CCSER1: variants seen among roughly 807,000 people sequenced by gnomAD.
The protein encoded by CCSER1 is serine-rich coiled-coil domain-containing protein 1.
CCSER1 carries 41 observed loss-of-function variants against 82.0 expected under a neutral mutation model. That is an observed-to-expected ratio of 0.50 (90% CI 0.39 to 0.65). CCSER1 has a LOEUF of 0.65. Ranked by LOEUF, CCSER1 falls within the 30% of genes least tolerant of loss-of-function variation. The probability of loss-of-function intolerance (pLI) is 0.00; values close to 1 mark genes in which losing one functional copy is unlikely to be tolerated. For missense variants in CCSER1, 1,119 were observed against 1,064.2 expected (o/e 1.05, Z -0.72); for synonymous variants, 414 against 383.9 (o/e 1.08, Z -0.92).
chr4:91,598,435 A>T, intron 10 of CCSER1, 137 bp from the exon 11 acceptor site: 1 of 877,304 alleles, frequency 1.1e-6, no homozygotes, highest in Non-Finnish European at 1.7e-6. Context: ...TCCCATGGTT[A>T]ATTGTATTGA....
intron 10 of CCSER1, among the ~76,000 whole-genome samples, chr4:91,343,756 A>T (rs373920450): frequency 1.3e-4 from 20 of 152,236 alleles, no homozygotes; most frequent in African/African-American, 4.6e-4. Flanking sequence ...TACTAGACTA[A>T]GCCCCTCATC....
chr4:91,147,192 G>A (rs1242981699), intron 10 of CCSER1, among the ~76,000 whole-genome samples: 1 of 152,310 alleles, frequency 6.6e-6, no homozygotes, highest in African/African-American at 2.4e-5. Context: ...GTGAGGGAAC[G>A]CCAGGCAGGG....
At chr4:90,552,496 TA>T (rs1777637633) in intron 5 of CCSER1, among the ~76,000 whole-genome samples, 1 of 152,188 alleles carries the variant, frequency 6.6e-6, no homozygotes, top group Non-Finnish European at 1.5e-5. Flanking sequence ...TTATCTTTTT[TA>T]CCCAGGCTGG....
intron 10 of CCSER1, among the ~76,000 whole-genome samples, chr4:91,201,323 A>T (rs1384645272): frequency 1.3e-5 from 2 of 152,064 alleles, no homozygotes; most frequent in Non-Finnish European, 2.9e-5. Flanking sequence ...GAAATAACCT[A>T]TAAGCTCAGT....
intron 1 of CCSER1, among the ~76,000 whole-genome samples, chr4:90,138,224 CT>C (rs1467338533): frequency 6.6e-6 from 1 of 152,098 alleles, no homozygotes; most frequent in Non-Finnish European, 1.5e-5. Flanking sequence ...CAAAGTCTTG[CT>C]CTGTCACGTA....
chr4:91,129,136 T>A (rs1727776972), intron 10 of CCSER1, among the ~76,000 whole-genome samples: 1 of 152,098 alleles, frequency 6.6e-6, no homozygotes, highest in Admixed American at 6.6e-5. Flanking sequence ...GATCAAAGCT[T>A]TTTTCCTGTG....
chr4:90,758,988 A>G (rs1025718802), intron 7 of CCSER1, among the ~76,000 whole-genome samples: 7 of 152,128 alleles, frequency 4.6e-5, no homozygotes, highest in African/African-American at 1.4e-4. Flanking sequence ...AACACCCTAT[A>G]CACTCCTTCC....
chr4:90,467,210 C>A (rs1320154015), intron 4 of CCSER1, among the ~76,000 whole-genome samples: 1 of 151,522 alleles, frequency 6.6e-6, no homozygotes, highest in Non-Finnish European at 1.5e-5. Flanking sequence ...CATGGTGAAA[C>A]CCCGTCTCTA....
chr4:91,085,945 T>A lies in CCSER1; in HGVS notation c.2173-5T>A. 1 of 1,501,626 alleles carries A rather than the reference T, an allele frequency of 6.7e-7. No homozygotes were observed. Among genetic ancestry groups the A allele is most frequent in the Non-Finnish European group, 9.1e-7 (1 of 1,102,442 alleles). 93.0% of individuals were successfully genotyped at this position (1,501,626 alleles called of 1,614,324 possible). On this transcript the variant is annotated splice_polypyrimidine_tract_variant and splice_region_variant and intron_variant, in intron 9 of 10. Coordinates refer to ENST00000509176, the MANE Select transcript of CCSER1 (RefSeq NM_001145065.2). The stretch of plus-strand genomic sequence containing the variant: ...ATAATAATATACTTTGCTTTTCTTT[T>A]TCAGGGTTTAAACTTGAAAAGACTA...
At chr4:91,529,935 G>A (rs947862075) in intron 10 of CCSER1, among the ~76,000 whole-genome samples, 2 of 152,092 alleles carry the variant, frequency 1.3e-5, no homozygotes, top group African/African-American at 4.8e-5. Context: ...TTTCCCTGAA[G>A]CAATTTCATA....
chr4:90,463,961 T>G (rs554108587), intron 4 of CCSER1, among the ~76,000 whole-genome samples: 2 of 152,272 alleles, frequency 1.3e-5, no homozygotes, highest in Non-Finnish European at 2.9e-5. Context: ...GAAATTCAGT[T>G]ATTAAATAAA....
chr4:90,457,937 C>T (rs1310331986), intron 4 of CCSER1, among the ~76,000 whole-genome samples: 1 of 152,154 alleles, frequency 6.6e-6, no homozygotes, highest in Non-Finnish European at 1.5e-5. Context: ...CTTATCAGCA[C>T]CCAATGTCCA....
At chr4:90,152,789 G>C (rs1346192357) in intron 1 of CCSER1, among the ~76,000 whole-genome samples, 2 of 151,940 alleles carry the variant, frequency 1.3e-5, no homozygotes, top group African/African-American at 4.8e-5. Flanking sequence ...TTCTGTAGAT[G>C]ATGGGAGGTG....
intron 9 of CCSER1, among the ~76,000 whole-genome samples, chr4:91,040,896 G>A (rs1741902439): frequency 6.6e-6 from 1 of 152,106 alleles, no homozygotes; most frequent in African/African-American, 2.4e-5. Flanking sequence ...GCTTTATTTG[G>A]AGGGGAATAA....
At position 90,312,860 on chromosome 4, in the gene CCSER1, T is replaced by C. The variant is rs116747086; in HGVS notation, c.1325-3T>C. 1,396 of 1,545,348 alleles carry C rather than the reference T, an allele frequency of 9.0e-4. 10 individuals carry two copies. The highest frequency in any genetic ancestry group is 8.8e-3 in the African/African-American group (643 of 72,980). On this transcript the variant is annotated splice_polypyrimidine_tract_variant and splice_region_variant and intron_variant, in intron 2 of 10. Transcript: ENST00000509176. Reference sequence around the variant, plus strand: ...TCATTTTTATTTATTTTCCTTTCCATAGTTCTTGCCAGTAGTCTCAGTCCA... The same window carrying C: ...TCATTTTTATTTATTTTCCTTTCCACAGTTCTTGCCAGTAGTCTCAGTCCA...
At chr4:90,317,838 C>T (rs1736450573) in intron 3 of CCSER1, among the ~76,000 whole-genome samples, 1 of 152,044 alleles carries the variant, frequency 6.6e-6, no homozygotes, top group South Asian at 2.1e-4. Context: ...TCTGGAGGTC[C>T]CTGTAATAAA....
At chr4:91,546,628 T>A (rs1421167364) in intron 10 of CCSER1, among the ~76,000 whole-genome samples, 1 of 152,076 alleles carries the variant, frequency 6.6e-6, no homozygotes, top group Non-Finnish European at 1.5e-5. Context: ...GATTCTCCCT[T>A]TTATTCTCAG....
chr4:90,491,303 G>A (rs958571711), intron 5 of CCSER1, among the ~76,000 whole-genome samples: 2 of 152,134 alleles, frequency 1.3e-5, no homozygotes, highest in Admixed American at 1.3e-4. Context: ...GTTCACTCAT[G>A]ATTTGGCTCT....
At chr4:91,092,951 C>T (rs1477235789) in intron 10 of CCSER1, among the ~76,000 whole-genome samples, 1 of 152,166 alleles carries the variant, frequency 6.6e-6, no homozygotes, top group African/African-American at 2.4e-5. Context: ...TCCATACTGC[C>T]TCTAATAATT....
Sources: allele counts gnomAD v4.1 joint callset (sites outside exome capture counted in the v4.1 genomes callset), GRCh38; gene constraint gnomAD v4.1.1; transcripts MANE v1.5; gene names NCBI Gene and HGNC (gene_info 2026-07-23, HGNC 2026-07-21).